BRD1: variants seen among roughly 807,000 people sequenced by gnomAD.
BRD1 encodes the protein bromodomain-containing protein 1.
A neutral mutation model predicts 107.7 loss-of-function variants in BRD1; 24 were observed. That is an observed-to-expected ratio of 0.22 (90% CI 0.16 to 0.31). BRD1 has a LOEUF of 0.31. BRD1 is among the 10% of genes least tolerant of loss of function. The probability of loss-of-function intolerance (pLI) is 1.00; values close to 1 mark genes in which losing one functional copy is unlikely to be tolerated. For missense variants in BRD1, 1,279 were observed against 1,638.6 expected, an observed-to-expected ratio of 0.78 and a Z score of 3.79; for synonymous variants, 744 against 686.1, an observed-to-expected ratio of 1.08 and a Z score of -1.32.
At chr22:49,780,465 G>C (rs73892870) in intron 8 of BRD1, among the ~76,000 whole-genome samples, 40 of 152,266 alleles carry the variant, frequency 2.6e-4, no homozygotes, top group Non-Finnish European at 2.2e-4. Flanking sequence ...CACCCAGCAG[G>C]AGGCCTGGCG....
Position 49,824,797 on chromosome 22 carries a change from T to C in BRD1, c.-14-466A>G. The C allele has an allele frequency of 6.9e-6, 7 of 1,011,912 alleles. No homozygotes were observed. The highest frequency in any genetic ancestry group is 8.3e-6 in the Non-Finnish European group (7 of 844,234). 62.7% of individuals were successfully genotyped at this position (1,011,912 alleles called of 1,614,324 possible). ...GGCATGCTCAGTGGCTACCTGGTCCTATCGGATGCTCCCCCTAAACCACTC... is the reference window on the plus strand; with the variant it reads ...GGCATGCTCAGTGGCTACCTGGTCCCATCGGATGCTCCCCCTAAACCACTC... On this transcript the variant is annotated intron_variant, in intron 1 of 12. Transcript: ENST00000404760. The surrounding 1 kb of genome is among the most constrained non-coding windows in gnomAD (Gnocchi z 5.9).
chr22:49,777,332 G>A (rs1332847185), intron 9 of BRD1, among the ~76,000 whole-genome samples, 171 bp from the exon 10 acceptor site: 2 of 152,242 alleles, frequency 1.3e-5, no homozygotes, highest in Non-Finnish European at 2.9e-5. Context: ...ACCTGTGGCA[G>A]GGGGGACTCA....
intron 2 of BRD1, among the ~76,000 whole-genome samples, chr22:49,804,862 TA>T (rs372135589): frequency 3.4e-5 from 5 of 148,950 alleles, no homozygotes; most frequent in Non-Finnish European, 6.0e-5. Flanking sequence ...AAAATAAAAT[TA>T]AAAAAAAAAG....
chr22:49,785,361 A>C (rs1178217684), intron 8 of BRD1, among the ~76,000 whole-genome samples: 1 of 152,142 alleles, frequency 6.6e-6, no homozygotes, highest in Non-Finnish European at 1.5e-5. Context: ...GCAGCCCCAT[A>C]CCTCTGCCGC....
At chr22:49,806,720 G>C (rs567390549) in intron 2 of BRD1, 1 of 152,200 alleles carries the variant, frequency 6.6e-6, no homozygotes, top group Non-Finnish European at 1.5e-5. Context: ...ACTAGGAGCC[G>C]GGCGCGGTAG....
intron 6 of BRD1, among the ~76,000 whole-genome samples, 192 bp downstream of exon 6, chr22:49,797,613 A>G (rs2059559046): frequency 1.3e-5 from 2 of 152,252 alleles, no homozygotes; most frequent in African/African-American, 4.8e-5. Context: ...AAAATAAGAC[A>G]TATTATTAAA....
intron 2 of BRD1, among the ~76,000 whole-genome samples, chr22:49,819,012 C>A (rs1311619036): frequency 6.6e-6 from 1 of 152,104 alleles, no homozygotes; most frequent in Non-Finnish European, 1.5e-5. Context: ...AATCTCAGCA[C>A]TCTGGGAGGC....
At chr22:49,811,875 G>A (rs1238798861) in intron 2 of BRD1, among the ~76,000 whole-genome samples, 3 of 152,202 alleles carry the variant, frequency 2.0e-5, no homozygotes, top group Non-Finnish European at 4.4e-5. Context: ...CTATGGGTGG[G>A]TTTGTGGGCA....
intron 10 of BRD1, among the ~76,000 whole-genome samples, chr22:49,776,740 AAAC>A (rs1214688609): frequency 1.3e-5 from 2 of 152,302 alleles, no homozygotes; most frequent in African/African-American, 4.8e-5. Flanking sequence ...CACTGAACCT[AAAC>A]AACCCCAGAC....
intron 8 of BRD1, 126 bp from the exon 9 acceptor site, chr22:49,777,939 C>T (rs932226876): frequency 1.5e-6 from 2 of 1,295,384 alleles, no homozygotes; most frequent in Non-Finnish European, 2.1e-6. Flanking sequence ...ACAGCATCTT[C>T]CTTTTCACTC....
rs138084690 is a variant in BRD1, at chr22:49,792,239, G to A, written c.2359+1795C>T. On this transcript the variant is annotated intron_variant, in intron 7 of 12. Coordinates refer to ENST00000404760, the MANE Select transcript of BRD1 (RefSeq NM_001304808.3). This position sits in a 1 kb window ranked among gnomAD's most constrained non-coding sequence, Gnocchi z 4.2. ...CAGTGAAAATGGTACAACTGTGTGC[G>A]AAGAGAAGCGCTGGAAGCTATTTTG... 3.6e-3 allele frequency among the ~76,000 whole-genome samples: 552 copies of A among 152,344 alleles called. 4 individuals are homozygous for A. Among genetic ancestry groups the A allele is most frequent in the African/African-American group, 0.012 (497 of 41,584 alleles).
intron 2 of BRD1, among the ~76,000 whole-genome samples, chr22:49,809,531 A>G (rs1368276017): frequency 1.3e-5 from 2 of 149,002 alleles, no homozygotes; most frequent in Admixed American, 1.4e-4. Flanking sequence ...ACGGAATGAG[A>G]CTTCGTCTCC....
chr22:49,774,439 G>C, intron 12 of BRD1, 23 bp from the exon 13 acceptor site: 2 of 1,595,418 alleles, frequency 1.3e-6, no homozygotes, highest in Non-Finnish European at 1.7e-6. Flanking sequence ...AAAAACAAGC[G>C]GAAAATCATT....
intron 3 of BRD1, among the ~76,000 whole-genome samples, chr22:49,801,543 A>G (rs2147177058): frequency 6.6e-6 from 1 of 152,276 alleles, no homozygotes; most frequent in African/African-American, 2.4e-5. Flanking sequence ...GTCTCTCCCA[A>G]TAGCCCGTTC....
chr22:49,798,979 C>T lies in BRD1; in HGVS notation c.1656+9G>A. On this transcript the variant is annotated intron_variant, in intron 4 of 12. Transcript: ENST00000404760. The stretch of plus-strand genomic sequence containing the variant: ...TGGTGCACTCCACGCGGGACAGGCC[C>T]AGCCCCACCTGCTCACGCTTGAGCT... 6.2e-7 allele frequency: 1 copy of T among 1,600,462 alleles called. No homozygotes were observed. The highest frequency in any genetic ancestry group is 8.5e-7 in the Non-Finnish European group (1 of 1,174,282).
rs1391072384 is a variant in BRD1 at position 49,804,243 on chromosome 22, C to A, written c.1485G>T (p.Arg495=). 7 of 1,607,310 alleles carry A rather than the reference C, an allele frequency of 4.4e-6. No individual in the cohort carries two copies. The highest frequency in any genetic ancestry group is 5.9e-6 in the Non-Finnish European group (7 of 1,176,974). The part of the protein sequence containing the change: ...LSRNGAPLLR[R]LQSSLQSQRS... ...GCTGAGACTGCAGGCTGGACTGCAGCCGCCGCAGCAGGGGGGCCCCGTTCC... is the reference window on the plus strand; with the variant it reads ...GCTGAGACTGCAGGCTGGACTGCAGACGCCGCAGCAGGGGGGCCCCGTTCC... The change falls in exon 3 of 13, where the codon CGG becomes CGT. Residue 495 remains arginine (R), a synonymous_variant. Transcript: ENST00000404760.
chr22:49,818,165 C>T (rs1014526287), intron 2 of BRD1: 25 of 1,013,358 alleles, frequency 2.5e-5, no homozygotes, highest in South Asian at 2.3e-4. Flanking sequence ...AGGGTGAAGG[C>T]GGGAGGAAAA....
Position 49,823,355 on chromosome 22 carries a change from G to A in BRD1, c.963C>T (p.Ala321=). The stretch of plus-strand genomic sequence containing the variant: ...AGAGGTAGCATGTCAGTTTCCACCG[G>A]GCTGGAGGGATGTTCCTCACCCCAT... The part of the protein sequence containing the change: ...PIDGVRNIPP[A]RWKLTCYLCK... The change falls in exon 2 of 13, where the codon GCC becomes GCT. Residue 321 remains alanine, a synonymous_variant. Transcript: ENST00000404760. 1 of 1,614,132 alleles carries A rather than the reference G, an allele frequency of 6.2e-7. No homozygotes were observed. The highest frequency in any genetic ancestry group is 8.5e-7 in the Non-Finnish European group (1 of 1,180,036).
At chr22:49,811,589 G>C (rs2059850610) in intron 2 of BRD1, among the ~76,000 whole-genome samples, 1 of 152,226 alleles carries the variant, frequency 6.6e-6, no homozygotes, top group Admixed American at 6.5e-5. Context: ...CCGGCAGGCA[G>C]GACACGACAG....
Sources: allele counts gnomAD v4.1 joint callset (sites outside exome capture counted in the v4.1 genomes callset), GRCh38; gene constraint gnomAD v4.1.1; non-coding constraint Gnocchi (gnomAD v3.1); transcripts MANE v1.5; gene names NCBI Gene and HGNC (gene_info 2026-07-23, HGNC 2026-07-21).